The following PGCKA1 variants were observed in gnomAD, a reference collection of about 807,000 sequenced individuals.
PGCKA1 encodes the protein PDCD10 and GCKIII kinases-associated protein 1.
the PGCKA1 span, among the ~76,000 whole-genome samples, chr4:37,523,615 C>T: frequency 6.6e-6 from 1 of 152,226 alleles, no homozygotes; most frequent in Non-Finnish European, 1.5e-5. Flanking sequence ...GAAGGTTATA[C>T]GCTGTCTGTT....
chr4:37,582,093 C>G, the PGCKA1 span, among the ~76,000 whole-genome samples: 8 of 152,262 alleles, frequency 5.3e-5, no homozygotes, highest in African/African-American at 1.4e-4. Context: ...CTCCCTCCCC[C>G]AAACACACAG....
chr4:37,527,921 T>G, the PGCKA1 span, among the ~76,000 whole-genome samples: 1 of 152,208 alleles, frequency 6.6e-6, no homozygotes, highest in Non-Finnish European at 1.5e-5. Context: ...CAATAGGCTA[T>G]ACCAGGCAGT....
the PGCKA1 span, among the ~76,000 whole-genome samples, chr4:37,472,484 C>T: frequency 3.9e-5 from 6 of 152,100 alleles, no homozygotes; most frequent in Non-Finnish European, 8.8e-5. Flanking sequence ...ATCTCTGTTT[C>T]CCTTATTTAA....
the PGCKA1 span, among the ~76,000 whole-genome samples, chr4:37,463,663 G>A: frequency 6.6e-6 from 1 of 152,178 alleles, no homozygotes; most frequent in East Asian, 1.9e-4. Context: ...TGGCGCTGGG[G>A]AGGTGAGCCT....
chr4:37,575,790 G>A, the PGCKA1 span, among the ~76,000 whole-genome samples: 1 of 152,194 alleles, frequency 6.6e-6, no homozygotes, highest in South Asian at 2.1e-4. Context: ...GCAAGAGAGA[G>A]GGATCCAGTT....
At chr4:37,588,562 C>T in the PGCKA1 span, 1 of 345,468 alleles carries the variant, frequency 2.9e-6, no homozygotes, top group Non-Finnish European at 5.4e-6. Context: ...CCACCTTCTT[C>T]TCCTCATCTG....
chr4:37,484,635 C>A, the PGCKA1 span, among the ~76,000 whole-genome samples: 1 of 152,154 alleles, frequency 6.6e-6, no homozygotes, highest in African/African-American at 2.4e-5. Context: ...TAACAGCCTG[C>A]GGAACTGTGA....
At chr4:37,579,451 A>G in the PGCKA1 span, among the ~76,000 whole-genome samples, 1 of 152,208 alleles carries the variant, frequency 6.6e-6, no homozygotes, top group Admixed American at 6.5e-5. Flanking sequence ...GTAAGATAGA[A>G]CTGGTGTTGA....
At chr4:37,565,181 A>G in the PGCKA1 span, among the ~76,000 whole-genome samples, 3 of 152,164 alleles carry the variant, frequency 2.0e-5, no homozygotes, top group Admixed American at 1.3e-4. Context: ...TACTGGCAGA[A>G]CTTGACATCT....
chr4:37,537,109 G>GT, the PGCKA1 span, among the ~76,000 whole-genome samples: 1 of 152,190 alleles, frequency 6.6e-6, no homozygotes, highest in East Asian at 1.9e-4. Flanking sequence ...TGTAACATAT[G>GT]TAACCCATAA....
chr4:37,484,206 A>C, the PGCKA1 span, among the ~76,000 whole-genome samples: 1 of 152,194 alleles, frequency 6.6e-6, no homozygotes, highest in Non-Finnish European at 1.5e-5. Context: ...TGGGTAATTT[A>C]TAAAGAAAAA....
At chr4:37,519,106 T>C in the PGCKA1 span, among the ~76,000 whole-genome samples, 31,075 of 152,092 alleles carry the variant, frequency 0.2, 3,934 homozygotes, top group African/African-American at 0.35. Context: ...TCTGGGTTCT[T>C]GATTCTGATC....
chr4:37,459,720 T>A, the PGCKA1 span, among the ~76,000 whole-genome samples: 4 of 151,110 alleles, frequency 2.6e-5, no homozygotes, highest in African/African-American at 7.3e-5. Context: ...CCACAGTAAA[T>A]GCAGAGCCCT....
At chr4:37,500,069 C>A in the PGCKA1 span, among the ~76,000 whole-genome samples, 1 of 151,782 alleles carries the variant, frequency 6.6e-6, no homozygotes, top group Non-Finnish European at 1.5e-5. Flanking sequence ...ACTATAGGCG[C>A]CCGCCACCAT....
chr4:37,589,537 T>G, the PGCKA1 span, among the ~76,000 whole-genome samples: 1 of 152,222 alleles, frequency 6.6e-6, no homozygotes, highest in African/African-American at 2.4e-5. Flanking sequence ...TTTATTTGTT[T>G]TTTATTTTAA....
At chr4:37,548,876 G>T in the PGCKA1 span, among the ~76,000 whole-genome samples, 4 of 152,234 alleles carry the variant, frequency 2.6e-5, no homozygotes, top group Non-Finnish European at 5.9e-5. Flanking sequence ...TATTCCATCT[G>T]CATGTTAAAC....
At chr4:37,480,035 G>A in the PGCKA1 span, among the ~76,000 whole-genome samples, 429 of 152,290 alleles carry the variant, frequency 2.8e-3, 2 homozygotes, top group African/African-American at 0.01. Flanking sequence ...AGTTTCAGTG[G>A]GGAATCAGAT....
the PGCKA1 span, among the ~76,000 whole-genome samples, chr4:37,507,215 T>A: frequency 6.6e-6 from 1 of 152,142 alleles, no homozygotes; most frequent in South Asian, 2.1e-4. Flanking sequence ...GATAATTGGA[T>A]CTTGGTTTTT....
chr4:37,504,532 T>G, the PGCKA1 span, among the ~76,000 whole-genome samples: 1 of 152,214 alleles, frequency 6.6e-6, no homozygotes, highest in Non-Finnish European at 1.5e-5. Flanking sequence ...ATGGACATTT[T>G]ATCAATATTG....
Sources: gnomAD v4.1 joint callset for allele counts (sites outside exome capture counted in the v4.1 genomes callset) on GRCh38, gnomAD v4.1.1 for gene constraint, MANE v1.5 for transcripts, NCBI Gene and HGNC (gene_info 2026-07-23, HGNC 2026-07-21) for gene names.